Variants in DOCK1 observed in about 807,000 individuals in gnomAD.
DOCK1 encodes dedicator of cytokinesis 1, also known as dedicator of cytokinesis protein 1.
A neutral mutation model predicts 262.7 loss-of-function variants in DOCK1; 138 were observed. The ratio of observed to expected loss-of-function variants is 0.53; its 90% CI spans 0.46 to 0.61. The LOEUF is 0.61. Ranked by LOEUF, DOCK1 falls within the 20% of genes least tolerant of loss-of-function variation. The probability of loss-of-function intolerance (pLI) is 0.00; values close to 1 mark genes in which losing one functional copy is unlikely to be tolerated. For synonymous variants in DOCK1, 866 were observed against 867.4 expected (o/e 1.00, Z 0.03); for missense variants, 1,908 against 2,370.7 (o/e 0.80, Z 4.05).
intron 19 of DOCK1, among the ~76,000 whole-genome samples, chr10:127,040,163 C>T (rs77234424): frequency 0.066 from 10,030 of 152,200 alleles, 419 homozygotes; most frequent in East Asian, 0.13. Context: ...GGGAAATATT[C>T]GGCTGTTAGC....
Position 127,444,260 on chromosome 10 carries a change from C to A in DOCK1, c.5394C>A (p.Leu1798=). The part of the protein sequence containing the change: ...TPPPVTPRAK[L]SFSMQSSLEL... ...CTCCAGTTACACCAAGGGCCAAGCT[C>A]AGCTTCAGCATGCAGTCGAGTAAGT... Residue 1798 remains leucine (L), a synonymous_variant, in exon 50 of 52, where the codon CTC becomes CTA. Transcript: ENST00000623213. 6.2e-7 allele frequency: 1 copy of A among 1,609,136 alleles called. No homozygotes were observed. Among genetic ancestry groups the A allele is most frequent in the African/African-American group, 1.3e-5 (1 of 74,536 alleles).
At chr10:127,262,029 C>CAT (rs1554934547) in intron 29 of DOCK1, among the ~76,000 whole-genome samples, 1 of 96,190 alleles carries the variant, frequency 1.0e-5, no homozygotes, top group African/African-American at 4.7e-5. Flanking sequence ...CATGTGTGTG[C>CAT]ATGTGTGTGT....
intron 29 of DOCK1, among the ~76,000 whole-genome samples, chr10:127,286,432 C>T (rs929250993): frequency 2.6e-5 from 4 of 152,034 alleles, no homozygotes; most frequent in African/African-American, 4.8e-5. Flanking sequence ...GCTTTTTCGT[C>T]TTTGTTTTTA....
chr10:127,303,050 T>C (rs905204466), intron 29 of DOCK1, among the ~76,000 whole-genome samples: 11 of 152,200 alleles, frequency 7.2e-5, no homozygotes, highest in African/African-American at 2.7e-4. Flanking sequence ...GAAAGAGTTA[T>C]TCTGACAACG....
chr10:127,175,931 G>T lies in DOCK1; in HGVS notation c.2847+48167G>T. On this transcript the variant is annotated intron_variant, in intron 27 of 51. Coordinates refer to ENST00000623213, the MANE Select transcript of DOCK1 (RefSeq NM_001290223.2). The surrounding 1 kb of genome is among the most constrained non-coding windows in gnomAD (Gnocchi z 6.3). ...CGCCACATGGCCGGGCCTCCTCCAT[G>T]GGTCCAGCCTCGTTCTTCTCTTTCG... is the stretch of plus-strand genomic sequence containing the variant. 1 of 1,614,208 alleles carries T rather than the reference G, an allele frequency of 6.2e-7. No homozygotes were observed. Among genetic ancestry groups the T allele is most frequent in the Non-Finnish European group, 8.5e-7 (1 of 1,180,044 alleles).
chr10:127,024,782 A>C lies in DOCK1; in HGVS notation c.1550A>C (p.Lys517Thr), dbSNP rs544408185. The change falls in exon 15 of 52, where the codon AAG becomes ACG. Residue 517 changes from lysine (K) to threonine (T), a missense_variant and splice_region_variant. By Grantham distance (78) the Lys-to-Thr change is moderately conservative. This residue lies in a region of DOCK1 where 294 missense variants were observed against 439.9 expected (regional missense o/e 0.67). Coordinates refer to ENST00000623213, the MANE Select transcript of DOCK1 (RefSeq NM_001290223.2). ...VKQPRWFETV[K>T]VAIPIEDVNR... ...CAGCCACGCTGGTTTGAGACTGTTA[A>C]GGTATTATTTACATGGTCATTTTAT... is the stretch of plus-strand genomic sequence containing the variant. The C allele has an allele frequency of 1.2e-6, 2 of 1,603,196 alleles. No homozygotes were observed. Among genetic ancestry groups the C allele is most frequent in the Non-Finnish European group, 1.7e-6 (2 of 1,173,974 alleles).
intron 27 of DOCK1, among the ~76,000 whole-genome samples, chr10:127,244,159 G>GT (rs139897748): frequency 6.9e-3 from 1,030 of 149,418 alleles, no homozygotes; most frequent in Admixed American, 9.6e-3. Context: ...GTAAACAACA[G>GT]TTTTTTTTTT....
chr10:127,148,516 C>T (rs886816953), intron 27 of DOCK1, among the ~76,000 whole-genome samples: 2 of 152,134 alleles, frequency 1.3e-5, no homozygotes, highest in Admixed American at 6.5e-5. Context: ...GCCATTTTGT[C>T]GCAGTACTAT....
At chr10:127,412,222 A>C (rs1034571433) in intron 43 of DOCK1, among the ~76,000 whole-genome samples, 2 of 152,066 alleles carry the variant, frequency 1.3e-5, no homozygotes, top group Non-Finnish European at 2.9e-5. Flanking sequence ...TCAGCCTCCC[A>C]AAGTGCTGGG....
At chr10:127,413,301 G>A (rs187162670) in intron 43 of DOCK1, among the ~76,000 whole-genome samples, 1 of 152,362 alleles carries the variant, frequency 6.6e-6, no homozygotes, top group Non-Finnish European at 1.5e-5. Context: ...CAGAGGCTAT[G>A]CTTCTTCTAA....
In DOCK1 at chr10:127,328,132, A is replaced by T. The variant is rs1031220866; in HGVS notation, c.3045-10874A>T. On this transcript the variant is annotated intron_variant, in intron 29 of 51. Transcript: ENST00000623213. ...CCTACAAATGGGCAAAAAAAAAAAAAAAAAAAAAAATCGGTCTCAGTTTTC... is the reference window on the plus strand; with the variant it reads ...CCTACAAATGGGCAAAAAAAAAAAATAAAAAAAAAATCGGTCTCAGTTTTC... Among the ~76,000 whole-genome samples the T allele has an allele frequency of 1.6e-3, 238 of 152,094 alleles. 1 individual carries two copies. The highest frequency in any genetic ancestry group is 5.4e-3 in the African/African-American group (225 of 41,498).
At chr10:127,070,874 C>T (rs1022891659) in intron 23 of DOCK1, among the ~76,000 whole-genome samples, 3 of 151,916 alleles carry the variant, frequency 2.0e-5, no homozygotes, top group Non-Finnish European at 2.9e-5. Flanking sequence ...TCAGAAGTGG[C>T]CACGCCTCGC....
intron 27 of DOCK1, among the ~76,000 whole-genome samples, chr10:127,144,582 T>A (rs1320927214): frequency 6.6e-6 from 1 of 152,214 alleles, no homozygotes; most frequent in African/African-American, 2.4e-5. Flanking sequence ...GCCGCCCTAT[T>A]TTCTGTTTTC....
intron 29 of DOCK1, among the ~76,000 whole-genome samples, chr10:127,280,030 ATATAATTT>A (rs1317834793): frequency 1.2e-4 from 17 of 139,704 alleles, no homozygotes; most frequent in African/African-American, 4.2e-4. Flanking sequence ...ATATATATAT[ATATAATTT>A]TTTTTTTTTT....
intron 23 of DOCK1, among the ~76,000 whole-genome samples, chr10:127,083,614 C>T (rs1311530510): frequency 6.6e-6 from 1 of 152,154 alleles, no homozygotes; most frequent in Non-Finnish European, 1.5e-5. Flanking sequence ...TAAATGATTT[C>T]CCCATTTACT....
chr10:127,175,280 G>A lies in DOCK1; in HGVS notation c.2847+47516G>A, dbSNP rs192681220. 5.0e-6 allele frequency: 8 copies of A among 1,614,102 alleles called. No individual in the cohort carries two copies. The East Asian group carries it at 1.6e-4, about 31-fold the overall frequency. ...CCAAGAGCACTTTGATGGTTTCTTG[G>A]CTTGAACTGATCAAGTTCTCCATCA... On this transcript the variant is annotated intron_variant, in intron 27 of 51. Transcript: ENST00000623213. The surrounding 1 kb of genome is among the most constrained non-coding windows in gnomAD (Gnocchi z 6.3).
At chr10:127,311,960 G>A (rs1590387924) in intron 29 of DOCK1, among the ~76,000 whole-genome samples, 2 of 152,190 alleles carry the variant, frequency 1.3e-5, no homozygotes, top group South Asian at 2.1e-4. Context: ...CGTCTCCTGA[G>A]TTCAAGTGAT....
rs1002233617 is a variant in DOCK1, at chr10:126,982,094, G to A, written c.227+121G>A. On this transcript the variant is annotated intron_variant, in intron 4 of 51. Transcript: ENST00000623213. ...CAATGGGTGTGATTGACTCCTGGGG[G>A]ACAGGAGTTTTGGGGAGAGAAAGGG... The A allele has an allele frequency of 1.1e-5, 12 of 1,069,436 alleles. No individual in the cohort carries two copies. In the African/African-American group the frequency reaches 1.6e-4, roughly 14 times the overall value. 66.2% of individuals were successfully genotyped at this position (1,069,436 alleles called of 1,614,324 possible).
chr10:127,147,430 G>C (rs909453027), intron 27 of DOCK1, among the ~76,000 whole-genome samples: 1 of 152,148 alleles, frequency 6.6e-6, no homozygotes, highest in African/African-American at 2.4e-5. Flanking sequence ...TGCTTTGCCA[G>C]GTCGGGCACC....
Sources: allele counts gnomAD v4.1 joint callset (sites outside exome capture counted in the v4.1 genomes callset), GRCh38; gene constraint gnomAD v4.1.1; regional missense constraint gnomAD v4.1.1; non-coding constraint Gnocchi (gnomAD v3.1); transcripts MANE v1.5; gene names NCBI Gene and HGNC (gene_info 2026-07-23, HGNC 2026-07-21).